PLEKHG3: variants seen among roughly 807,000 people sequenced by gnomAD.
The protein encoded by PLEKHG3 is pleckstrin homology and RhoGEF domain containing G3, also known as pleckstrin homology domain-containing family G member 3.
PLEKHG3 carries 62 observed loss-of-function variants against 94.9 expected under a neutral mutation model. The ratio of observed to expected loss-of-function variants is 0.65; its 90% CI spans 0.53 to 0.81. PLEKHG3 has a LOEUF of 0.81. Among genes scored for constraint, PLEKHG3 ranks in the 30% least tolerant of loss-of-function variants. The pLI, the probability that PLEKHG3 is intolerant of heterozygous loss-of-function variation, is 0.00. For missense variants in PLEKHG3, 1,461 were observed against 1,619.3 expected (o/e 0.90, Z 1.68); for synonymous variants, 614 against 654.0 (o/e 0.94, Z 0.93).
intron 1 of PLEKHG3, among the ~76,000 whole-genome samples, chr14:64,707,971 C>T (rs1372623691): frequency 6.6e-6 from 1 of 152,140 alleles, no homozygotes; most frequent in Non-Finnish European, 1.5e-5. Context: ...TAGAGAGGTT[C>T]GATAAACTAT....
rs2081237352 is a variant in PLEKHG3, at chr14:64,720,106, A to G, written c.-39-7487A>G. Among the ~76,000 whole-genome samples the G allele has an allele frequency of 6.6e-6, 1 of 152,228 alleles. No individual in the cohort carries two copies. Among genetic ancestry groups the G allele is most frequent in the Non-Finnish European group, 1.5e-5 (1 of 68,036 alleles). On this transcript the variant is annotated intron_variant, in intron 1 of 16. Coordinates refer to ENST00000247226, the MANE Select transcript of PLEKHG3 (RefSeq NM_001308147.2). The surrounding 1 kb of genome is among the most constrained non-coding windows in gnomAD (Gnocchi z 4.1). Reference sequence around the variant, plus strand: ...ATACTTGCCCCCATTTGGCTTTAGCATATGTTTACATGAAACTTCCTGGCA... The same window carrying G: ...ATACTTGCCCCCATTTGGCTTTAGCGTATGTTTACATGAAACTTCCTGGCA...
rs2081883146 is a variant in PLEKHG3 at position 64,748,430 on chromosome 14, T to G, written c.*4727T>G. ...GGTCCCAGCATTGAGAGGGAGAGCC[T>G]TAGGCAGTGTTGTGACGCACCTGTC... is the stretch of plus-strand genomic sequence containing the variant. On this transcript the variant is annotated 3_prime_UTR_variant, in exon 17 of 17. Coordinates refer to ENST00000247226, the MANE Select transcript of PLEKHG3 (RefSeq NM_001308147.2). The G allele has an allele frequency of 6.6e-6, 1 of 152,250 alleles. No homozygotes were observed. Among genetic ancestry groups the G allele is most frequent in the South Asian group, 2.1e-4 (1 of 4,826 alleles). 9.4% of individuals were successfully genotyped at this position (152,250 alleles called of 1,614,324 possible). A position where few individuals can be genotyped will look rare whatever the true frequency, so the allele number is the denominator to read the frequency against.
Position 64,738,847 on chromosome 14 carries a change from C to T in PLEKHG3, c.1510C>T (p.Leu504=), listed in dbSNP as rs139329848. 6 of 1,577,484 alleles carry T rather than the reference C, an allele frequency of 3.8e-6. No homozygotes were observed. Among genetic ancestry groups the T allele is most frequent in the Non-Finnish European group, 4.3e-6 (5 of 1,159,358 alleles). Residue 504 remains leucine (L), a synonymous_variant, in exon 15 of 17, where the codon CTG becomes TTG. Coordinates refer to ENST00000247226, the MANE Select transcript of PLEKHG3 (RefSeq NM_001308147.2). This position sits in a 1 kb window ranked among gnomAD's most constrained non-coding sequence, Gnocchi z 4.8. ...KRMSFESISS[L]PEVEPDPEAG... ...CATGAGCTTCGAGTCCATTTCTTCC[C>T]TGCCAGAGGTGAGCGACCAGCAGGT...
Position 64,749,665 on chromosome 14 carries a change from C to T in PLEKHG3, c.*5962C>T. 2 of 1,613,834 alleles carry T rather than the reference C, an allele frequency of 1.2e-6. No homozygotes were observed. The highest frequency in any genetic ancestry group is 1.7e-6 in the Non-Finnish European group (2 of 1,179,958). ...CTGCCCGCGCTTACCTCATCCTTGC[C>T]ATGGAAGAGCCACTCGCTGCCATTA... On this transcript the variant is annotated 3_prime_UTR_variant, in exon 17 of 17. Coordinates refer to ENST00000247226, the MANE Select transcript of PLEKHG3 (RefSeq NM_001308147.2). The surrounding 1 kb of genome is among the most constrained non-coding windows in gnomAD (Gnocchi z 4.7).
Position 64,730,013 on chromosome 14 carries a change from C to T in PLEKHG3, c.450-230C>T, listed in dbSNP as rs565860114. Among the ~76,000 whole-genome samples, 1 of 152,350 alleles carries T rather than the reference C, an allele frequency of 6.6e-6. No individual in the cohort carries two copies. Among genetic ancestry groups the T allele is most frequent in the Admixed American group, 6.5e-5 (1 of 15,304 alleles). On this transcript the variant is annotated intron_variant, in intron 3 of 16. Transcript: ENST00000247226. This position sits in a 1 kb window ranked among gnomAD's most constrained non-coding sequence, Gnocchi z 5.4. ...ATGGGGGTCCCCTCTTCATCTCCCT[C>T]TTGTTGAGCCTGTAGGTCTCCCTGA...
At position 64,743,274 on chromosome 14, in the gene PLEKHG3, C is replaced by T; in HGVS notation, c.3231C>T (p.Asn1077=). The part of the protein sequence containing the change: ...GGGRPRGPPV[N]RSHSVPENMV... ...GCCGGCCCCGCGGCCCACCCGTCAA[C>T]AGGAGCCACTCGGTGCCGGAGAACA... Residue 1077 remains asparagine (N), a synonymous_variant, in exon 17 of 17, where the codon AAC becomes AAT. Coordinates refer to ENST00000247226, the MANE Select transcript of PLEKHG3 (RefSeq NM_001308147.2). This position sits in a 1 kb window ranked among gnomAD's most constrained non-coding sequence, Gnocchi z 7.2. 5.0e-6 allele frequency: 8 copies of T among 1,607,272 alleles called. No homozygotes were observed. The highest frequency in any genetic ancestry group is 6.8e-6 in the Non-Finnish European group (8 of 1,178,876).
Position 64,730,562 on chromosome 14 carries a change from G to C in PLEKHG3, c.520-80G>C, listed in dbSNP as rs1017984468. On this transcript the variant is annotated intron_variant, in intron 4 of 16. Transcript: ENST00000247226. The surrounding 1 kb of genome is among the most constrained non-coding windows in gnomAD (Gnocchi z 5.4). ...ACAGGGGACAGAGGGTGCTCTGGGG[G>C]CCAGGGGCCTATCTGCTACCACCAT... 1 of 1,178,032 alleles carries C rather than the reference G, an allele frequency of 8.5e-7. No homozygotes were observed. The allele number at this position is 1,178,032 out of a possible 1,614,324, so 73.0% of individuals were successfully genotyped here. A position where few individuals can be genotyped will look rare whatever the true frequency, so the allele number is the denominator to read the frequency against.
Position 64,727,717 on chromosome 14 carries a change from C to T in PLEKHG3, c.86C>T (p.Ser29Phe). The change falls in exon 2 of 17, where the codon TCC becomes TTC. Residue 29 changes from serine to phenylalanine, a missense_variant. By Grantham distance (155) the Ser-to-Phe change is radical. This residue lies in a region of PLEKHG3 where 253 missense variants were observed against 297.8 expected (regional missense o/e 0.85). Transcript: ENST00000247226. This position sits in a 1 kb window ranked among gnomAD's most constrained non-coding sequence, Gnocchi z 6.0. ...LTSTTSSSGS[S>F]CDSRSAMEEP... ...TCTACCACCTCCTCGTCGGGCTCCT[C>T]CTGTGACAGTCGCAGTGCCATGGAG... The T allele has an allele frequency of 1.9e-6, 3 of 1,612,328 alleles. No individual in the cohort carries two copies. The highest frequency in any genetic ancestry group is 2.2e-5 in the South Asian group (2 of 91,012).
rs973393540 is a variant in PLEKHG3 at position 64,720,041 on chromosome 14, C to G, written c.-39-7552C>G. Among the ~76,000 whole-genome samples the G allele has an allele frequency of 1.3e-5, 2 of 152,202 alleles. No homozygotes were observed. Among genetic ancestry groups the G allele is most frequent in the Non-Finnish European group, 2.9e-5 (2 of 68,034 alleles). ...CAAGTTGTGCTGGCAGCCAAGTTAC[C>G]TCTACACTGGCTGTGAACAAGAGCA... On this transcript the variant is annotated intron_variant, in intron 1 of 16. Transcript: ENST00000247226. The surrounding 1 kb of genome is among the most constrained non-coding windows in gnomAD (Gnocchi z 4.1).
Position 64,748,862 on chromosome 14 carries a change from T to A in PLEKHG3, c.*5159T>A, listed in dbSNP as rs1323039093. 5.9e-6 allele frequency: 1 copy of A among 169,350 alleles called. No homozygotes were observed. The highest frequency in any genetic ancestry group is 1.2e-5 in the Non-Finnish European group (1 of 80,594). The allele number at this position is 169,350 out of a possible 1,614,324, so 10.5% of individuals were successfully genotyped here. On this transcript the variant is annotated 3_prime_UTR_variant, in exon 17 of 17. Transcript: ENST00000247226. ...TCCCCTTTCCCTGGCTGCCACCAGG[T>A]GGGAGGTGACCCGAAGCAAGACTTG...
chr14:64,737,342 G>T lies in PLEKHG3; in HGVS notation c.1385-14G>T. Reference sequence around the variant, plus strand: ...TCGCCCGTGTGCTGGGGGACCCGGTGGTGATGTCTGCAGCCCGAGCAGCAG... The same window carrying T: ...TCGCCCGTGTGCTGGGGGACCCGGTTGTGATGTCTGCAGCCCGAGCAGCAG... On this transcript the variant is annotated splice_polypyrimidine_tract_variant and intron_variant, in intron 13 of 16. Coordinates refer to ENST00000247226, the MANE Select transcript of PLEKHG3 (RefSeq NM_001308147.2). 1 of 1,603,828 alleles carries T rather than the reference G, an allele frequency of 6.2e-7. No homozygotes were observed. Among genetic ancestry groups the T allele is most frequent in the South Asian group, 1.1e-5 (1 of 89,012 alleles).
In PLEKHG3 at chr14:64,732,608, G is replaced by A. The variant is rs533426131; in HGVS notation, c.1246+148G>A. The A allele has an allele frequency of 1.5e-5, 12 of 804,130 alleles. No homozygotes were observed. The African/African-American group carries it at 2.0e-4, about 14-fold the overall frequency. 49.8% of individuals were successfully genotyped at this position (804,130 alleles called of 1,614,324 possible). On this transcript the variant is annotated intron_variant, in intron 11 of 16. Transcript: ENST00000247226. The surrounding 1 kb of genome is among the most constrained non-coding windows in gnomAD (Gnocchi z 4.9). Reference sequence around the variant, plus strand: ...TTAAGGGCTGGGGGGTGAACTACATGATTAAGGATGCTCTCCTGCTGAGCG... The same window carrying A: ...TTAAGGGCTGGGGGGTGAACTACATAATTAAGGATGCTCTCCTGCTGAGCG...
Position 64,750,141 on chromosome 14 carries a change from G to C in PLEKHG3, c.*6438G>C. 1 of 1,612,612 alleles carries C rather than the reference G, an allele frequency of 6.2e-7. No homozygotes were observed. Among genetic ancestry groups the C allele is most frequent in the Non-Finnish European group, 8.5e-7 (1 of 1,178,704 alleles). On this transcript the variant is annotated 3_prime_UTR_variant, in exon 17 of 17. Coordinates refer to ENST00000247226, the MANE Select transcript of PLEKHG3 (RefSeq NM_001308147.2). Reference sequence around the variant, plus strand: ...TCACTGTTCCTGAGCACACAGTACAGGTTGTTCCAGGACCTGCAAAGATGC... The same window carrying C: ...TCACTGTTCCTGAGCACACAGTACACGTTGTTCCAGGACCTGCAAAGATGC...
intron 1 of PLEKHG3, among the ~76,000 whole-genome samples, chr14:64,710,939 T>G (rs1855094870): frequency 6.6e-6 from 1 of 151,900 alleles, no homozygotes; most frequent in Admixed American, 6.6e-5. Flanking sequence ...CAAGAAAAGG[T>G]TAAATTATGT....
At chr14:64,714,987 A>G (rs1444212214) in intron 1 of PLEKHG3, among the ~76,000 whole-genome samples, 2 of 152,118 alleles carry the variant, frequency 1.3e-5, no homozygotes, top group Non-Finnish European at 1.5e-5. Context: ...ACTCAGAGAA[A>G]ACAGCTTGGG....
Position 64,728,884 on chromosome 14 carries a change from A to G in PLEKHG3, c.352-112A>G. 1.8e-6 allele frequency: 1 copy of G among 541,230 alleles called. No homozygotes were observed. The highest frequency in any genetic ancestry group is 3.3e-6 in the Non-Finnish European group (1 of 300,384). The allele number at this position is 541,230 out of a possible 1,614,324, so 33.5% of individuals were successfully genotyped here. The stretch of plus-strand genomic sequence containing the variant: ...TTTGGGGTGGACACTGTCTCACAGT[A>G]GGCAATGTCCGTGAAGTGGTGTTAC... On this transcript the variant is annotated intron_variant, in intron 2 of 16. Coordinates refer to ENST00000247226, the MANE Select transcript of PLEKHG3 (RefSeq NM_001308147.2). This position sits in a 1 kb window ranked among gnomAD's most constrained non-coding sequence, Gnocchi z 5.9.
intron 1 of PLEKHG3, among the ~76,000 whole-genome samples, chr14:64,705,064 T>G (rs1163249191): frequency 6.6e-6 from 1 of 152,168 alleles, no homozygotes; most frequent in Non-Finnish European, 1.5e-5. Flanking sequence ...GCTGGAGCTG[T>G]GGGCCTGGCG....
rs1241956648 is a variant in PLEKHG3 at position 64,727,559 on chromosome 14, G to A, written c.-39-34G>A. 3 of 604,576 alleles carry A rather than the reference G, an allele frequency of 5.0e-6. No homozygotes were observed. 37.5% of individuals were successfully genotyped at this position (604,576 alleles called of 1,614,324 possible). On this transcript the variant is annotated intron_variant, in intron 1 of 16. Transcript: ENST00000247226. This position sits in a 1 kb window ranked among gnomAD's most constrained non-coding sequence, Gnocchi z 6.0. ...TCTGTTCTGTTTCTGTGGGCATTCA[G>A]AGGTTGACCCTTCATCTGTCTGTCT...
chr14:64,738,187 A>T lies in PLEKHG3; in HGVS notation c.1405-555A>T. On this transcript the variant is annotated intron_variant, in intron 14 of 16. Coordinates refer to ENST00000247226, the MANE Select transcript of PLEKHG3 (RefSeq NM_001308147.2). This position sits in a 1 kb window ranked among gnomAD's most constrained non-coding sequence, Gnocchi z 4.8. ...CTGGCCGCCCTCCACTGCTGGCACT[A>T]TCGGGCCAACGCTTTACTTTTCTCC... 7.7e-7 allele frequency: 1 copy of T among 1,290,562 alleles called. No individual in the cohort carries two copies. Among genetic ancestry groups the T allele is most frequent in the Non-Finnish European group, 1.0e-6 (1 of 989,750 alleles). 79.9% of individuals were successfully genotyped at this position (1,290,562 alleles called of 1,614,324 possible). A position where few individuals can be genotyped will look rare whatever the true frequency, so the allele number is the denominator to read the frequency against.
Sources: gnomAD v4.1 joint callset for allele counts (sites outside exome capture counted in the v4.1 genomes callset) on GRCh38, gnomAD v4.1.1 for gene constraint, gnomAD v4.1.1 regional missense constraint, Gnocchi (gnomAD v3.1) non-coding constraint, MANE v1.5 for transcripts, NCBI Gene and HGNC (gene_info 2026-07-23, HGNC 2026-07-21) for gene names.